ZNF492: variants seen among roughly 807,000 people sequenced by gnomAD.
The protein encoded by ZNF492 is zinc finger protein 115 (Y20).
In ZNF492, 3 loss-of-function variants were observed where a neutral mutation model predicts 6.4. The ratio of observed to expected loss-of-function variants is 0.47; its 90% confidence interval spans 0.21 to 1.22. The LOEUF (loss-of-function observed/expected upper bound fraction) is 1.22, where lower values mean the gene tolerates loss of function less well. Among genes scored for constraint, ZNF492 ranks in the 50% most tolerant of loss-of-function variants. ZNF492 has a pLI of 0.22. For synonymous variants in ZNF492, 112 were observed against 205.3 expected (o/e 0.55, Z 3.89); for missense variants, 356 against 612.5 (o/e 0.58, Z 4.42).
intron 3 of ZNF492, among the ~76,000 whole-genome samples, chr19:22,655,422 T>C (rs1446415556): frequency 1.3e-5 from 2 of 152,142 alleles, no homozygotes; most frequent in African/African-American, 2.4e-5. Flanking sequence ...TTAAATTTGT[T>C]CTCAGAAATT....
chr19:22,657,440 A>T (rs531686722), intron 3 of ZNF492, among the ~76,000 whole-genome samples: 5 of 152,226 alleles, frequency 3.3e-5, no homozygotes, highest in Non-Finnish European at 7.4e-5. Context: ...TGATCTTAAA[A>T]TGCTTATTTA....
chr19:22,646,282 A>C (rs1164008554), intron 1 of ZNF492, among the ~76,000 whole-genome samples: 1 of 152,000 alleles, frequency 6.6e-6, no homozygotes, highest in Non-Finnish European at 1.5e-5. Flanking sequence ...TTTTTGTAGC[A>C]GTTGTGAAGT....
intron 1 of ZNF492, among the ~76,000 whole-genome samples, chr19:22,637,575 T>C (rs986703032): frequency 5.9e-5 from 9 of 152,108 alleles, no homozygotes; most frequent in Admixed American, 2.0e-4. Flanking sequence ...AGATTACAGG[T>C]GTGAGCCACC....
intron 1 of ZNF492, among the ~76,000 whole-genome samples, chr19:22,647,731 T>TTTTTTTTTG (rs561367031): frequency 0.061 from 8,073 of 132,886 alleles, 417 homozygotes; most frequent in South Asian, 0.08. Flanking sequence ...CTTTTAGTTT[T>TTTTTTTTTG]TTTTTTTTTT....
Position 22,665,934 on chromosome 19 carries a change from A to T in ZNF492, c.*669A>T, listed in dbSNP as rs746975234. The T allele has an allele frequency of 2.6e-5, 4 of 152,178 alleles. No individual in the cohort carries two copies. Among genetic ancestry groups the T allele is most frequent in the Non-Finnish European group, 2.9e-5 (2 of 68,024 alleles). The allele number at this position is 152,178 out of a possible 1,614,324, so 9.4% of individuals were successfully genotyped here. On this transcript the variant is annotated 3_prime_UTR_variant, in exon 4 of 4. Coordinates refer to ENST00000456783, the MANE Select transcript of ZNF492 (RefSeq NM_020855.3). ...GACTTTACACTGAATCAGAGTTCTG[A>T]GTTTAGAAAGTAATCCAAAACTAAA...
At chr19:22,660,208 A>T (rs1298548442) in intron 3 of ZNF492, among the ~76,000 whole-genome samples, 3 of 152,148 alleles carry the variant, frequency 2.0e-5, no homozygotes, top group Non-Finnish European at 4.4e-5. Flanking sequence ...TGGTTTTTAA[A>T]ATTTTTAATC....
chr19:22,638,179 A>G (rs1971787160), intron 1 of ZNF492, among the ~76,000 whole-genome samples: 1 of 151,898 alleles, frequency 6.6e-6, no homozygotes, highest in African/African-American at 2.4e-5. Flanking sequence ...TACTGTATTG[A>G]TGGTTTCCTT....
chr19:22,661,340 A>G (rs890413704), intron 3 of ZNF492, among the ~76,000 whole-genome samples: 2 of 151,870 alleles, frequency 1.3e-5, no homozygotes, highest in South Asian at 2.1e-4. Context: ...CATCTTTTTT[A>G]TGGTTTCTTT....
chr19:22,637,987 T>A (rs187248464), intron 1 of ZNF492, among the ~76,000 whole-genome samples: 2 of 152,360 alleles, frequency 1.3e-5, no homozygotes, highest in East Asian at 1.9e-4. Context: ...GAGCATTTTT[T>A]TTATGCTCGT....
intron 1 of ZNF492, among the ~76,000 whole-genome samples, chr19:22,649,361 T>G (rs1319805665): frequency 6.6e-6 from 1 of 152,130 alleles, no homozygotes; most frequent in Admixed American, 6.5e-5. Context: ...ACCCTTAACA[T>G]TTTTTTGTCA....
intron 1 of ZNF492, among the ~76,000 whole-genome samples, chr19:22,646,475 G>T (rs1971878304): frequency 6.6e-6 from 1 of 152,122 alleles, no homozygotes; most frequent in Admixed American, 6.5e-5. Context: ...GAGAGAATTT[G>T]ACTTCCTCTT....
intron 2 of ZNF492, 93 bp downstream of exon 2, chr19:22,653,526 G>A (rs549282329): frequency 2.9e-6 from 4 of 1,356,798 alleles, no homozygotes; most frequent in Middle Eastern, 2.0e-4. Context: ...TATGCTTTCA[G>A]ATCTCTGTTT....
intron 1 of ZNF492, among the ~76,000 whole-genome samples, chr19:22,646,637 G>A (rs543303235): frequency 6.6e-6 from 1 of 152,238 alleles, no homozygotes; most frequent in Admixed American, 6.5e-5. Context: ...CATTCAATAT[G>A]ATATTGGCTG....
Position 22,664,288 on chromosome 19 carries a change from A to C in ZNF492, c.619A>C (p.Asn207His), listed in dbSNP as rs1972093662. 2.5e-6 allele frequency: 4 copies of C among 1,584,552 alleles called. No individual in the cohort carries two copies. The South Asian group carries it at 4.6e-5, about 18-fold the overall frequency. ...ATGCGAAGAGTGTGGAAAAGCCTTT[A>C]ACCGGCTCTCACACCTTACTACACA... ...YKCEECGKAF[N>H]RLSHLTTHKI... The change falls in exon 4 of 4, where the codon AAC becomes CAC. Residue 207 changes from asparagine to histidine, a missense_variant. By Grantham distance (68) the Asn-to-His change is moderately conservative. Coordinates refer to ENST00000456783, the MANE Select transcript of ZNF492 (RefSeq NM_020855.3).
At chr19:22,639,568 G>A (rs1971803985) in intron 1 of ZNF492, among the ~76,000 whole-genome samples, 1 of 151,782 alleles carries the variant, frequency 6.6e-6, no homozygotes, top group Non-Finnish European at 1.5e-5. Context: ...AAATTAGCCG[G>A]GCGTGGTGGC....
At chr19:22,642,145 A>G (rs1198809568) in intron 1 of ZNF492, among the ~76,000 whole-genome samples, 1 of 152,092 alleles carries the variant, frequency 6.6e-6, no homozygotes. Context: ...TTTTTACCAT[A>G]AACATTCTTT....
At chr19:22,641,229 G>A (rs1971822512) in intron 1 of ZNF492, among the ~76,000 whole-genome samples, 1 of 152,122 alleles carries the variant, frequency 6.6e-6, no homozygotes, top group African/African-American at 2.4e-5. Flanking sequence ...TTCAATGTAA[G>A]CATTTAATGC....
In ZNF492 at chr19:22,647,260, G is replaced by GT. The variant is rs71180573; in HGVS notation, c.-93-6033dup. Among the ~76,000 whole-genome samples, 282 of 132,858 alleles carry GT rather than the reference G, an allele frequency of 2.1e-3. 1 individual carries two copies. The highest frequency in any genetic ancestry group is 7.8e-3 in the Middle Eastern group (2 of 258). 87.2% of individuals were successfully genotyped at this position (132,858 alleles called of 152,430 possible). A position where few individuals can be genotyped will look rare whatever the true frequency, so the allele number is the denominator to read the frequency against. ...TTTTTTTGTTTGTTTGTTTGTTGTT[G>GT]TTTTTTTTTTTTTTAGGCAGAGTTT... is the stretch of plus-strand genomic sequence containing the variant. On this transcript the variant is annotated intron_variant, in intron 1 of 3. Transcript: ENST00000456783.
chr19:22,664,325 A>C lies in ZNF492; in HGVS notation c.656A>C (p.His219Pro). ...CACCTTACTACACATAAGATAATTC[A>C]TACTGGAAAGAAACCCTACAAATGT... ...LSHLTTHKIIHTGKKPYKCEE... is the reference protein window; with the variant it reads ...LSHLTTHKIIPTGKKPYKCEE... The change falls in exon 4 of 4, where the codon CAT becomes CCT. Residue 219 changes from histidine to proline, a missense_variant. Transcript: ENST00000456783. The C allele has an allele frequency of 3.8e-6, 6 of 1,570,568 alleles. No homozygotes were observed. Among genetic ancestry groups the C allele is most frequent in the Non-Finnish European group, 5.2e-6 (6 of 1,158,622 alleles).
Sources: gnomAD v4.1 joint callset for allele counts (sites outside exome capture counted in the v4.1 genomes callset) on GRCh38, gnomAD v4.1.1 for gene constraint, MANE v1.5 for transcripts, NCBI Gene and HGNC (gene_info 2026-07-23, HGNC 2026-07-21) for gene names.